The following ABCC1 variants were observed in gnomAD, a reference collection of about 807,000 sequenced individuals.
The protein encoded by ABCC1 is ATP binding cassette subfamily C member 1 (ABCC1 blood group).
In ABCC1, 83 loss-of-function variants were observed where a neutral mutation model predicts 172.9. That is an observed-to-expected ratio of 0.48 (90% CI 0.40 to 0.58). The LOEUF is 0.58. ABCC1 is among the 20% of genes least tolerant of loss of function. The pLI is 0.00. For synonymous variants in ABCC1, 937 were observed against 825.2 expected (o/e 1.14, Z -2.32); for missense variants, 1,817 against 2,002.7 (o/e 0.91, Z 1.77).
intron 1 of ABCC1, among the ~76,000 whole-genome samples, chr16:15,988,897 A>G (rs746647923): frequency 6.6e-6 from 1 of 151,910 alleles, no homozygotes; most frequent in Non-Finnish European, 1.5e-5. Context: ...GCAAGGCCCC[A>G]TCTCTGGAAA....
At chr16:16,123,926 A>G (rs992349528) in intron 24 of ABCC1, among the ~76,000 whole-genome samples, 2 of 152,130 alleles carry the variant, frequency 1.3e-5, no homozygotes, top group Non-Finnish European at 1.5e-5. Flanking sequence ...CTGAGGCAGG[A>G]GGATCACTGG....
intron 1 of ABCC1, among the ~76,000 whole-genome samples, chr16:15,991,638 CTG>C (rs1301698776): frequency 6.6e-6 from 1 of 152,172 alleles, no homozygotes; most frequent in East Asian, 1.9e-4. Flanking sequence ...CCTGTACTCA[CTG>C]TGCCTGTCTC....
chr16:16,099,792 G>A (rs2051643047), intron 19 of ABCC1, among the ~76,000 whole-genome samples: 1 of 152,066 alleles, frequency 6.6e-6, no homozygotes, highest in Admixed American at 6.5e-5. Context: ...CCTTCAAAAA[G>A]CCAACAGGGG....
chr16:16,139,116 C>T (rs2152180242), intron 30 of ABCC1, among the ~76,000 whole-genome samples: 1 of 152,278 alleles, frequency 6.6e-6, no homozygotes, highest in East Asian at 1.9e-4. Flanking sequence ...AAGTCCCTGC[C>T]TCCAGGACCA....
chr16:16,019,365 A>T (rs1030889919), intron 5 of ABCC1, among the ~76,000 whole-genome samples: 7 of 152,010 alleles, frequency 4.6e-5, no homozygotes, highest in African/African-American at 1.7e-4. Context: ...CGGCCTCCCA[A>T]AATGTTGGGA....
intron 24 of ABCC1, among the ~76,000 whole-genome samples, chr16:16,123,888 C>T (rs962451219): frequency 6.6e-6 from 1 of 151,746 alleles, no homozygotes; most frequent in Non-Finnish European, 1.5e-5. Context: ...GGTGTGGTGG[C>T]ATGGGCCTGT....
At chr16:15,986,506 C>T (rs552122187) in intron 1 of ABCC1, among the ~76,000 whole-genome samples, 21 of 152,278 alleles carry the variant, frequency 1.4e-4, no homozygotes, top group South Asian at 1.0e-3. Context: ...TAACGTGAAC[C>T]GTGCATGCGA....
chr16:15,991,359 G>A (rs45531836), intron 1 of ABCC1, among the ~76,000 whole-genome samples: 16,195 of 151,824 alleles, frequency 0.11, 929 homozygotes, highest in Middle Eastern at 0.15. Flanking sequence ...TTAATTTTCC[G>A]TTGGCAAAAC....
intron 1 of ABCC1, among the ~76,000 whole-genome samples, chr16:15,953,209 G>A (rs558895334): frequency 6.6e-6 from 1 of 151,958 alleles, no homozygotes; most frequent in Non-Finnish European, 1.5e-5. Flanking sequence ...GGTGATTCAC[G>A]CCTGTAATTC....
intron 1 of ABCC1, among the ~76,000 whole-genome samples, chr16:15,985,743 T>C (rs1288477810): frequency 6.6e-6 from 1 of 151,502 alleles, no homozygotes; most frequent in Non-Finnish European, 1.5e-5. Flanking sequence ...CTGTGCCCAG[T>C]CTCTATTGGT....
At chr16:16,005,648 T>C (rs1266694248) in intron 1 of ABCC1, among the ~76,000 whole-genome samples, 1 of 151,954 alleles carries the variant, frequency 6.6e-6, no homozygotes, top group Admixed American at 6.5e-5. Flanking sequence ...GCCCAGAAGA[T>C]TTTCTGATTT....
At chr16:15,994,927 G>A (rs1028026008) in intron 1 of ABCC1, among the ~76,000 whole-genome samples, 33 of 151,534 alleles carry the variant, frequency 2.2e-4, no homozygotes, top group African/African-American at 8.0e-4. Flanking sequence ...GGTCAGAAAT[G>A]TGACAACAGC....
rs1253738998 is a variant in ABCC1, at chr16:16,068,295, T to C, written c.1817T>C (p.Ile606Thr). ...ATTCTCCCCATGGTCATCAGCAGCA[T>C]CGTGCAGGTACAGGGGGAAGCTGGG... ...LNILPMVISSIVQASVSLKRL... is the reference protein window; with the variant it reads ...LNILPMVISSTVQASVSLKRL... The change falls in exon 13 of 31, where the codon ATC becomes ACC. Residue 606 changes from isoleucine to threonine, a missense_variant. Ile to Thr is a moderately conservative substitution (Grantham distance 89). This residue lies in a region of ABCC1 where 1,412 missense variants were observed against 1,600.3 expected (regional missense o/e 0.88). Transcript: ENST00000399410. 6.2e-7 allele frequency: 1 copy of C among 1,613,898 alleles called. No individual in the cohort carries two copies. The highest frequency in any genetic ancestry group is 1.3e-5 in the African/African-American group (1 of 74,870).
intron 1 of ABCC1, among the ~76,000 whole-genome samples, chr16:15,971,186 A>T (rs757596700): frequency 5.9e-5 from 9 of 152,202 alleles, no homozygotes; most frequent in Non-Finnish European, 1.0e-4. Flanking sequence ...TCTGATTTGC[A>T]TAGGCCTCAG....
chr16:16,026,464 C>CTTTTTTTTTTTTTT lies in ABCC1; in HGVS notation c.616-6645_616-6644insTTTTTTTTTTTTTT, dbSNP rs1491397616. On this transcript the variant is annotated intron_variant, in intron 5 of 30. Coordinates refer to ENST00000399410, the MANE Select transcript of ABCC1 (RefSeq NM_004996.4). ...AAAAAAAAAAAAAAAAAGGCTATTT[C>CTTTTTTTTTTTTTT]CTTTTTTTTTTTTTTTTTTTTTTTG... Among the ~76,000 whole-genome samples, 67 of 102,278 alleles carry CTTTTTTTTTTTTTT rather than the reference C, an allele frequency of 6.6e-4. 6 individuals are homozygous for CTTTTTTTTTTTTTT. Among genetic ancestry groups the CTTTTTTTTTTTTTT allele is most frequent in the African/African-American group, 2.0e-3 (58 of 28,708 alleles). The allele number at this position is 102,278 out of a possible 152,430, so 67.1% of individuals were successfully genotyped here. A position where few individuals can be genotyped will look rare whatever the true frequency, so the allele number is the denominator to read the frequency against.
chr16:16,134,613 T>C, intron 28 of ABCC1, 105 bp downstream of exon 28: 2 of 811,500 alleles, frequency 2.5e-6, no homozygotes, highest in Non-Finnish European at 1.8e-6. Flanking sequence ...CATTTGGCCC[T>C]ACTTCATCGT....
At chr16:16,025,129 A>G (rs1430491276) in intron 5 of ABCC1, among the ~76,000 whole-genome samples, 1 of 152,234 alleles carries the variant, frequency 6.6e-6, no homozygotes, top group Non-Finnish European at 1.5e-5. Context: ...GGTAAGCAAC[A>G]GGGCAAACAA....
At chr16:16,133,748 G>T (rs902614164) in intron 27 of ABCC1, among the ~76,000 whole-genome samples, 3 of 152,108 alleles carry the variant, frequency 2.0e-5, no homozygotes, top group African/African-American at 7.2e-5. Context: ...GAGAATTTTT[G>T]CACGCATGCT....
At chr16:15,987,070 C>T (rs1027460526) in intron 1 of ABCC1, among the ~76,000 whole-genome samples, 3 of 152,030 alleles carry the variant, frequency 2.0e-5, no homozygotes, top group African/African-American at 4.8e-5. Flanking sequence ...GAGGCTGAGG[C>T]GGGAGGATCA....
Sources: allele counts gnomAD v4.1 joint callset (sites outside exome capture counted in the v4.1 genomes callset), GRCh38; gene constraint gnomAD v4.1.1; regional missense constraint gnomAD v4.1.1; transcripts MANE v1.5; gene names NCBI Gene and HGNC (gene_info 2026-07-23, HGNC 2026-07-21).